The following SMARCA2 variants were observed in gnomAD, a reference collection of about 807,000 sequenced individuals.
SMARCA2 encodes SWI/SNF related BAF chromatin remodeling complex subunit ATPase 2, also known as SWI/SNF-related matrix-associated actin-dependent regulator of chromatin subfamily A member 2.
SMARCA2 carries 61 observed loss-of-function variants against 199.8 expected under a neutral mutation model. The observed-to-expected ratio is 0.31, with a 90% CI of 0.25 to 0.38. The LOEUF is 0.38. SMARCA2 is among the 10% of genes least tolerant of loss of function. The probability of loss-of-function intolerance (pLI) is 1.00; values close to 1 mark genes in which losing one functional copy is unlikely to be tolerated. For synonymous variants in SMARCA2, 935 were observed against 732.0 expected, an observed-to-expected ratio of 1.28 and a Z score of -4.48; for missense variants, 1,344 against 2,012.2, an observed-to-expected ratio of 0.67 and a Z score of 6.35.
intron 31 of SMARCA2, among the ~76,000 whole-genome samples, chr9:2,183,456 C>A (rs1426294309): frequency 6.6e-6 from 1 of 152,166 alleles, no homozygotes; most frequent in Non-Finnish European, 1.5e-5. Flanking sequence ...TTACTGTCAC[C>A]TTATGTAGGA....
At chr9:2,105,527 T>A (rs955205160) in intron 23 of SMARCA2, among the ~76,000 whole-genome samples, 1 of 152,194 alleles carries the variant, frequency 6.6e-6, no homozygotes. Context: ...GTGTTGGGAT[T>A]ACAGGCATGA....
chr9:2,097,172 A>C, intron 20 of SMARCA2: 1 of 516,874 alleles, frequency 1.9e-6, no homozygotes. Context: ...TTCAAGGTTC[A>C]CTTTTTTTGT....
chr9:2,118,937 T>C (rs1163629044), intron 25 of SMARCA2, among the ~76,000 whole-genome samples: 2 of 152,218 alleles, frequency 1.3e-5, no homozygotes, highest in African/African-American at 4.8e-5. Flanking sequence ...TCAAAGGCTA[T>C]ATATTTGGCA....
At chr9:2,132,869 A>G (rs1433153190) in intron 27 of SMARCA2, among the ~76,000 whole-genome samples, 2 of 152,234 alleles carry the variant, frequency 1.3e-5, no homozygotes, top group Non-Finnish European at 2.9e-5. Context: ...TCTGAAATCC[A>G]GTGACTAGAT....
At chr9:2,067,707 T>C (rs1458086194) in intron 9 of SMARCA2, among the ~76,000 whole-genome samples, 1 of 152,346 alleles carries the variant, frequency 6.6e-6, no homozygotes, top group Non-Finnish European at 1.5e-5. Context: ...AGAGCTAAGA[T>C]TGAAACACAG....
rs1316748358 is a variant in SMARCA2, at chr9:2,086,815, C to G, written c.2527-14C>G. 2 of 1,613,930 alleles carry G rather than the reference C, an allele frequency of 1.2e-6. No homozygotes were observed. Among genetic ancestry groups the G allele is most frequent in the Non-Finnish European group, 1.7e-6 (2 of 1,179,916 alleles). On this transcript the variant is annotated splice_polypyrimidine_tract_variant and intron_variant, in intron 17 of 33. Coordinates refer to ENST00000349721, the MANE Select transcript of SMARCA2 (RefSeq NM_003070.5). The surrounding 1 kb of genome is among the most constrained non-coding windows in gnomAD (Gnocchi z 4.3). ...CTTGCTTACTACACGTCCGTCCTTC[C>G]TCTTGTGTTATAGATTCGGTGGAAA...
In SMARCA2 at chr9:2,084,139, C is replaced by T; in HGVS notation, c.2469C>T (p.Phe823=). The T allele has an allele frequency of 6.2e-7, 1 of 1,612,964 alleles. No homozygotes were observed. Among genetic ancestry groups the T allele is most frequent in the Non-Finnish European group, 8.5e-7 (1 of 1,179,038 alleles). ...SLVPQLRSGK[F]NVLLTTYEYI... is the part of the protein sequence containing the mutation. ...TCCCCCAGCTACGGAGTGGCAAATT[C>T]AATGTCCTCTTGACTACTTATGAGT... The change falls in exon 17 of 34, where the codon TTC becomes TTT. Residue 823 remains phenylalanine, a synonymous_variant. Transcript: ENST00000349721.
Position 2,067,066 on chromosome 9 carries a change from A to C in SMARCA2, c.1693-3352A>C, listed in dbSNP as rs1402019083. 3.9e-5 allele frequency among the ~76,000 whole-genome samples: 6 copies of C among 152,248 alleles called. No homozygotes were observed. The East Asian group carries it at 9.6e-4, about 24-fold the overall frequency. On this transcript the variant is annotated intron_variant, in intron 9 of 33. Transcript: ENST00000349721. ...ATGGGAGGAGTTGATATCTCTTGTCATAGAGTAGACTGCCACCTGGCCTCT... is the reference window on the plus strand; with the variant it reads ...ATGGGAGGAGTTGATATCTCTTGTCCTAGAGTAGACTGCCACCTGGCCTCT...
At chr9:2,094,835 G>A (rs1822202849) in intron 19 of SMARCA2, among the ~76,000 whole-genome samples, 1 of 152,094 alleles carries the variant, frequency 6.6e-6, no homozygotes, top group Non-Finnish European at 1.5e-5. Flanking sequence ...ATTAGTCCTT[G>A]ATGTCATTTT....
Position 2,116,204 on chromosome 9 carries a change from G to A in SMARCA2, c.3684+155G>A, listed in dbSNP as rs151149570. 2.7e-3 allele frequency among the ~76,000 whole-genome samples: 407 copies of A among 152,360 alleles called. 3 individuals carry two copies. The highest frequency in any genetic ancestry group is 9.5e-3 in the African/African-American group (397 of 41,590). On this transcript the variant is annotated intron_variant, in intron 25 of 33. Coordinates refer to ENST00000349721, the MANE Select transcript of SMARCA2 (RefSeq NM_003070.5). The stretch of plus-strand genomic sequence containing the variant: ...TTTAGATCCCAACCACAGAAAGCCT[G>A]TGAAAGTTATCCAAAATGAGTGTCT...
chr9:2,157,478 G>A (rs896234127), intron 27 of SMARCA2, among the ~76,000 whole-genome samples: 2 of 152,200 alleles, frequency 1.3e-5, no homozygotes, highest in Non-Finnish European at 2.9e-5. Flanking sequence ...CCTAAGGGAG[G>A]AGGATCCCCA....
chr9:2,066,956 A>G (rs536933293), intron 9 of SMARCA2, among the ~76,000 whole-genome samples: 4 of 152,212 alleles, frequency 2.6e-5, no homozygotes, highest in Non-Finnish European at 5.9e-5. Flanking sequence ...TGTTTTTTTA[A>G]GTTTTGAGAC....
rs940200141 is a variant in SMARCA2, at chr9:2,119,759, A to G, written c.3762+224A>G. On this transcript the variant is annotated intron_variant, in intron 26 of 33. Transcript: ENST00000349721. This position sits in a 1 kb window ranked among gnomAD's most constrained non-coding sequence, Gnocchi z 4.6. ...TTCCCATTCATTGCCAACATAAAAA[A>G]GAATCCTGATTTCTGGCTTCTCTTG... Among the ~76,000 whole-genome samples, 2 of 152,238 alleles carry G rather than the reference A, an allele frequency of 1.3e-5. No individual in the cohort carries two copies. The highest frequency in any genetic ancestry group is 4.8e-5 in the African/African-American group (2 of 41,462).
intron 15 of SMARCA2, among the ~76,000 whole-genome samples, chr9:2,082,306 GGTGTGTGTGTGTGTGTGTGT>G (rs3057852): frequency 9.0e-5 from 11 of 121,796 alleles, no homozygotes; most frequent in African/African-American, 1.7e-4. Context: ...AAAGGGGAAA[GGTGTGTGTGTGTGTGTGTGT>G]GTGTGTGTGT....
chr9:2,093,869 C>A (rs1303093659), intron 19 of SMARCA2, among the ~76,000 whole-genome samples: 2 of 152,150 alleles, frequency 1.3e-5, no homozygotes, highest in Non-Finnish European at 2.9e-5. Context: ...TAACTCATAT[C>A]TTGAGACATT....
At chr9:2,128,061 A>T (rs1321250083) in intron 27 of SMARCA2, among the ~76,000 whole-genome samples, 1 of 152,070 alleles carries the variant, frequency 6.6e-6, no homozygotes, top group Non-Finnish European at 1.5e-5. Context: ...AGTTAACGTC[A>T]TCTTTTTGTG....
Position 2,029,164 on chromosome 9 carries a change from C to A in SMARCA2, c.142C>A (p.Pro48Thr). 1 of 1,613,220 alleles carries A rather than the reference C, an allele frequency of 6.2e-7. No individual in the cohort carries two copies. The highest frequency in any genetic ancestry group is 8.5e-7 in the Non-Finnish European group (1 of 1,179,644). The change falls in exon 2 of 34, where the codon CCT becomes ACT. Residue 48 changes from proline (P) to threonine (T), a missense_variant. Transcript: ENST00000349721. The stretch of plus-strand genomic sequence containing the variant: ...CGTCCACAGCATGATGGGGCCAAGT[C>A]CTGGACCTCCAAGTGTCTCCCATCC... The part of the protein sequence containing the change: ...GSVHSMMGPS[P>T]GPPSVSHPMP...
chr9:2,177,921 A>T (rs1457284513), intron 29 of SMARCA2, among the ~76,000 whole-genome samples: 2 of 152,316 alleles, frequency 1.3e-5, no homozygotes, highest in South Asian at 2.1e-4. Context: ...ATCAAAGCTA[A>T]AGCTGACATT....
chr9:2,176,501 G>A (rs1227048773), intron 29 of SMARCA2, among the ~76,000 whole-genome samples: 1 of 151,896 alleles, frequency 6.6e-6, no homozygotes, highest in Non-Finnish European at 1.5e-5. Context: ...TGTTTGTCTT[G>A]GTAACTCAGG....
Sources: gnomAD v4.1 joint callset for allele counts (sites outside exome capture counted in the v4.1 genomes callset) on GRCh38, gnomAD v4.1.1 for gene constraint, Gnocchi (gnomAD v3.1) non-coding constraint, MANE v1.5 for transcripts, NCBI Gene and HGNC (gene_info 2026-07-23, HGNC 2026-07-21) for gene names.